The following LRRFIP2 variants were observed in gnomAD, a reference collection of about 807,000 sequenced individuals.
LRRFIP2 encodes the protein LRR binding FLII interacting protein 2.
In LRRFIP2, 109 loss-of-function variants were observed where a neutral mutation model predicts 125.9. The observed-to-expected ratio is 0.87, with a 90% confidence interval of 0.74 to 1.01. The LOEUF (loss-of-function observed/expected upper bound fraction) is 1.01, where lower values mean the gene tolerates loss of function less well. Among genes scored for constraint, LRRFIP2 ranks in the 50% least tolerant of loss-of-function variants. The probability of loss-of-function intolerance (pLI) is 0.00; values close to 1 mark genes in which losing one functional copy is unlikely to be tolerated. For synonymous variants in LRRFIP2, 291 were observed against 293.1 expected, an observed-to-expected ratio of 0.99 and a Z score of 0.07; for missense variants, 850 against 862.3, an observed-to-expected ratio of 0.99 and a Z score of 0.18.
intron 16 of LRRFIP2, among the ~76,000 whole-genome samples, chr3:37,095,592 G>A (rs1240076489): frequency 6.6e-6 from 1 of 152,000 alleles, no homozygotes; most frequent in East Asian, 1.9e-4. Context: ...GCTTAGTGTA[G>A]AAAAAAGAAT....
rs115532778 is a variant in LRRFIP2 at position 37,113,175 on chromosome 3, G to A, written c.373-195C>T. On this transcript the variant is annotated intron_variant, in intron 7 of 27. Transcript: ENST00000336686. ...GTCTACCTGGCCTCTCTACACATCTGCATTCCTCCCTCACCTCCCTCTGTG... is the reference window on the plus strand; with the variant it reads ...GTCTACCTGGCCTCTCTACACATCTACATTCCTCCCTCACCTCCCTCTGTG... 4.5e-3 allele frequency among the ~76,000 whole-genome samples: 680 copies of A among 152,266 alleles called. 4 individuals are homozygous for A. The highest frequency in any genetic ancestry group is 0.037 in the Middle Eastern group (11 of 294).
intron 2 of LRRFIP2, among the ~76,000 whole-genome samples, chr3:37,132,539 A>ACCTC (rs1270453904): frequency 6.6e-6 from 1 of 152,188 alleles, no homozygotes; most frequent in Non-Finnish European, 1.5e-5. Flanking sequence ...CTCAGATGTT[A>ACCTC]CCTCCCTTGG....
chr3:37,078,186 A>T (rs980388029), intron 19 of LRRFIP2, among the ~76,000 whole-genome samples: 9 of 152,124 alleles, frequency 5.9e-5, no homozygotes, highest in African/African-American at 2.2e-4. Context: ...TTAAAATAAA[A>T]ATAATTTTAA....
At chr3:37,063,165 T>A (rs1163757181) in intron 24 of LRRFIP2, among the ~76,000 whole-genome samples, 1 of 152,134 alleles carries the variant, frequency 6.6e-6, no homozygotes, top group Non-Finnish European at 1.5e-5. Context: ...AAACTAATAG[T>A]TCTGAGGGAG....
intron 23 of LRRFIP2, chr3:37,065,108 G>T (rs957539436): frequency 6.2e-5 from 9 of 146,012 alleles, no homozygotes; most frequent in African/African-American, 2.2e-4. Flanking sequence ...CAAAAAAATT[G>T]TTTTTTTTTA....
intron 4 of LRRFIP2, among the ~76,000 whole-genome samples, chr3:37,126,233 T>C (rs967455666): frequency 6.6e-6 from 1 of 152,168 alleles, no homozygotes. Context: ...TTTCACCATG[T>C]TGGCCAGGCT....
chr3:37,107,934 G>C (rs534307407), intron 13 of LRRFIP2, 139 bp downstream of exon 13: 1 of 556,322 alleles, frequency 1.8e-6, no homozygotes, highest in South Asian at 2.9e-5. Flanking sequence ...ATTAGTGCTT[G>C]AGTTTATGTA....
chr3:37,072,501 CAAAAA>C (rs907848276), intron 21 of LRRFIP2, among the ~76,000 whole-genome samples: 1 of 34,474 alleles, frequency 2.9e-5, no homozygotes. Context: ...GACTCCGTCT[CAAAAA>C]AAAAAAAAAA....
chr3:37,121,841 CGTGTGTGTGTGTGT>C (rs60540567), intron 4 of LRRFIP2, 150 bp from the exon 5 acceptor site: 89,735 of 518,728 alleles, frequency 0.17, 3,649 homozygotes, highest in Non-Finnish European at 0.21. Flanking sequence ...CAGCCACATT[CGTGTGTGTGTGTGT>C]GTGTGTGTGT....
At chr3:37,155,058 C>T (rs1364931991) in intron 1 of LRRFIP2, among the ~76,000 whole-genome samples, 2 of 152,210 alleles carry the variant, frequency 1.3e-5, no homozygotes, top group Admixed American at 1.3e-4. Flanking sequence ...AGTGTGACTG[C>T]AGTTGTTGCC....
intron 25 of LRRFIP2, among the ~76,000 whole-genome samples, chr3:37,058,411 C>T (rs560644329): frequency 2.0e-5 from 3 of 152,264 alleles, no homozygotes; most frequent in East Asian, 1.9e-4. Flanking sequence ...CGGTGGCTCA[C>T]GCCTGTAATC....
intron 19 of LRRFIP2, among the ~76,000 whole-genome samples, chr3:37,076,705 A>G (rs2092073146): frequency 2.6e-5 from 4 of 151,938 alleles, no homozygotes; most frequent in Admixed American, 2.6e-4. Flanking sequence ...TGTCTCTACT[A>G]AAAATACAAA....
intron 18 of LRRFIP2, among the ~76,000 whole-genome samples, chr3:37,089,631 T>C (rs2093311667): frequency 6.6e-6 from 1 of 152,174 alleles, no homozygotes; most frequent in Non-Finnish European, 1.5e-5. Context: ...TGTTCAAATC[T>C]CAAATCTAAT....
At chr3:37,101,668 GAAAAAA>G (rs56878231) in intron 15 of LRRFIP2, among the ~76,000 whole-genome samples, 2 of 128,360 alleles carry the variant, frequency 1.6e-5, no homozygotes, top group East Asian at 2.3e-4. Flanking sequence ...CTGTCACCAA[GAAAAAA>G]AAAAAAAAAA....
Position 37,054,485 on chromosome 3 carries a change from A to G in LRRFIP2, c.1981T>C (p.Tyr661His). The G allele has an allele frequency of 6.2e-7, 1 of 1,614,052 alleles. No homozygotes were observed. The highest frequency in any genetic ancestry group is 8.5e-7 in the Non-Finnish European group (1 of 1,179,954). The part of the protein sequence containing the change: ...ISRLEGQVLR[Y>H]KTAAENAEKV... Reference sequence around the variant, plus strand: ...TCAGCATTCTCAGCAGCAGTTTTATATCTCAGAACCTGTCCCTCAAGCCGG... The same window carrying G: ...TCAGCATTCTCAGCAGCAGTTTTATGTCTCAGAACCTGTCCCTCAAGCCGG... Residue 661 changes from tyrosine to histidine, a missense_variant, in exon 27 of 28, where the codon TAT (tyrosine) becomes CAT (histidine). Physicochemically the swap from Tyr to His is moderately conservative, Grantham distance 83. Transcript: ENST00000336686.
At chr3:37,121,097 T>C (rs930556431) in intron 6 of LRRFIP2, among the ~76,000 whole-genome samples, 8 of 152,212 alleles carry the variant, frequency 5.3e-5, no homozygotes, top group Admixed American at 1.3e-4. Flanking sequence ...AAAATTACAA[T>C]TAATCATCCA....
intron 1 of LRRFIP2, among the ~76,000 whole-genome samples, chr3:37,157,898 T>A (rs1245231928): frequency 6.6e-6 from 1 of 152,244 alleles, no homozygotes; most frequent in Non-Finnish European, 1.5e-5. Context: ...TTTATAGTCA[T>A]TTGTCCTAAG....
rs1464580219 is a variant in LRRFIP2, at chr3:37,053,033, G to GAATCTGCAGGCAGATTTCC, written c.*799_*817dup. On this transcript the variant is annotated 3_prime_UTR_variant, in exon 28 of 28. Transcript: ENST00000336686. ...GGTTGGCAAAAGGGTGTATTTAATAGAATCTGCAGGCAGATTTCCAATCTG... is the reference window on the plus strand; with the variant it reads ...GGTTGGCAAAAGGGTGTATTTAATAGAATCTGCAGGCAGATTTCCAATCTGCAGGCAGATTTCCAATCTG... 1 of 152,552 alleles carries GAATCTGCAGGCAGATTTCC rather than the reference G, an allele frequency of 6.6e-6. No individual in the cohort carries two copies. The highest frequency in any genetic ancestry group is 2.4e-5 in the African/African-American group (1 of 41,418). 9.4% of individuals were successfully genotyped at this position (152,552 alleles called of 1,614,324 possible).
In LRRFIP2 at chr3:37,121,653, A is replaced by C. The variant is rs1175107631; in HGVS notation, c.267T>G (p.Ser89Arg). 6.2e-7 allele frequency: 1 copy of C among 1,614,094 alleles called. No homozygotes were observed. Among genetic ancestry groups the C allele is most frequent in the African/African-American group, 1.3e-5 (1 of 74,936 alleles). Residue 89 changes from serine (S) to arginine (R), a missense_variant, in exon 5 of 28, where the codon AGT becomes AGG. Ser to Arg is a moderately radical substitution (Grantham distance 110, BLOSUM62 -1). Transcript: ENST00000336686. ...SERARYSHRS[S>R]HHRPYLGVED... is the part of the protein sequence containing the mutation. ...TACAAACCAGATAAGGACGATGGTG[A>C]CTGGACCGGTGGGAATACCTGGCCC...
Sources: gnomAD v4.1 joint callset for allele counts (sites outside exome capture counted in the v4.1 genomes callset) on GRCh38, gnomAD v4.1.1 for gene constraint, MANE v1.5 for transcripts, NCBI Gene and HGNC (gene_info 2026-07-23, HGNC 2026-07-21) for gene names.